Variants in MAP2K6 observed in about 807,000 individuals in gnomAD.
MAP2K6 encodes mitogen-activated protein kinase kinase 6, also known as dual specificity mitogen-activated protein kinase kinase 6.
In MAP2K6, 16 loss-of-function variants were observed where a neutral mutation model predicts 53.7. The ratio of observed to expected loss-of-function variants is 0.30; its 90% CI spans 0.20 to 0.45. MAP2K6 has a LOEUF of 0.45. MAP2K6 is among the 20% of genes least tolerant of loss of function. The pLI is 1.00. For synonymous variants in MAP2K6, 132 were observed against 143.1 expected (o/e 0.92, Z 0.55); for missense variants, 204 against 411.9 (o/e 0.50, Z 4.37).
At position 69,549,001 on chromosome 17, in the gene MAP2K6, T is replaced by A. The variant is rs1417428749; in HGVS notation, c.*7248T>A. On this transcript the variant is annotated 3_prime_UTR_variant, in exon 12 of 12. Transcript: ENST00000590474. ...GTAGGGAATTTTTGTTGGTAAGAAA[T>A]CAGTATCATCTTGTAACACAAACAC... The A allele has an allele frequency of 1.3e-5, 2 of 152,166 alleles. No homozygotes were observed. The highest frequency in any genetic ancestry group is 6.5e-5 in the Admixed American group (1 of 15,284). 9.4% of individuals were successfully genotyped at this position (152,166 alleles called of 1,614,324 possible).
chr17:69,481,476 A>G (rs1201717465), intron 1 of MAP2K6, among the ~76,000 whole-genome samples: 3 of 152,196 alleles, frequency 2.0e-5, no homozygotes, highest in Non-Finnish European at 2.9e-5. Flanking sequence ...GGGTGTACAG[A>G]TATCTCCTTG....
chr17:69,444,372 T>C (rs1299209034), intron 1 of MAP2K6, among the ~76,000 whole-genome samples: 1 of 152,126 alleles, frequency 6.6e-6, no homozygotes, highest in Non-Finnish European at 1.5e-5. Context: ...AGTTTTTTGT[T>C]AAAAGAAACG....
chr17:69,458,305 G>A lies in MAP2K6; in HGVS notation c.16+43305G>A, dbSNP rs550350044. Reference sequence around the variant, plus strand: ...TGTCCTCAAGTGATCTGCCTGTCTCGGCCTCCCAAAGTGCTGGGATTCCAG... The same window carrying A: ...TGTCCTCAAGTGATCTGCCTGTCTCAGCCTCCCAAAGTGCTGGGATTCCAG... On this transcript the variant is annotated intron_variant, in intron 1 of 11. Coordinates refer to ENST00000590474, the MANE Select transcript of MAP2K6 (RefSeq NM_002758.4). Among the ~76,000 whole-genome samples, 9 of 152,198 alleles carry A rather than the reference G, an allele frequency of 5.9e-5. No individual in the cohort carries two copies. In the South Asian group the frequency reaches 1.9e-3, roughly 32 times the overall value.
chr17:69,524,018 G>A (rs61758058), intron 8 of MAP2K6, among the ~76,000 whole-genome samples: 484 of 152,186 alleles, frequency 3.2e-3, no homozygotes, highest in Non-Finnish European at 5.3e-3. Flanking sequence ...CACGGTGAAA[G>A]GGGCGAGGGA....
At chr17:69,511,649 C>T (rs1407761292) in intron 2 of MAP2K6, among the ~76,000 whole-genome samples, 2 of 152,174 alleles carry the variant, frequency 1.3e-5, no homozygotes, top group African/African-American at 2.4e-5. Context: ...ACAAACAGAA[C>T]GATGCAACGG....
At chr17:69,452,247 T>TA (rs1907256032) in intron 1 of MAP2K6, among the ~76,000 whole-genome samples, 1 of 151,440 alleles carries the variant, frequency 6.6e-6, no homozygotes, top group Admixed American at 6.6e-5. Context: ...GAGTATTTGA[T>TA]ACTGCCCAGG....
intron 1 of MAP2K6, among the ~76,000 whole-genome samples, chr17:69,464,444 C>T (rs1184163225): frequency 6.6e-6 from 1 of 152,154 alleles, no homozygotes; most frequent in East Asian, 1.9e-4. Context: ...TGCAGAGGCA[C>T]GATTTCAGCT....
At chr17:69,436,019 TAA>T (rs10610258) in intron 1 of MAP2K6, among the ~76,000 whole-genome samples, 91,076 of 144,774 alleles carry the variant, frequency 0.63, 28,343 homozygotes, top group African/African-American at 0.76. Context: ...CGATTTAAAA[TAA>T]AAAAAAAAAA....
At position 69,541,736 on chromosome 17, in the gene MAP2K6, C is replaced by G. The variant is rs1406308257; in HGVS notation, c.988C>G (p.Leu330Val). ...KGTDVASFVK[L>V]ILGD is the part of the protein sequence containing the mutation. ...AACAGATGTGGCATCTTTTGTAAAA[C>G]TGATTCTTGGAGACTAAAAAGCAGT... Residue 330 changes from leucine to valine, a missense_variant, in exon 12 of 12, where the codon CTG becomes GTG. Physicochemically the swap from Leu to Val is conservative, Grantham distance 32. Around this residue, in one of 3 missense-constraint regions of MAP2K6, gnomAD observed 47 missense variants for 62.3 expected, o/e 0.75. Coordinates refer to ENST00000590474, the MANE Select transcript of MAP2K6 (RefSeq NM_002758.4). The G allele has an allele frequency of 6.2e-7, 1 of 1,612,278 alleles. No individual in the cohort carries two copies. Among genetic ancestry groups the G allele is most frequent in the African/African-American group, 1.3e-5 (1 of 74,886 alleles).
intron 1 of MAP2K6, among the ~76,000 whole-genome samples, chr17:69,495,393 G>A (rs1002242560): frequency 1.3e-5 from 2 of 151,734 alleles, no homozygotes; most frequent in Non-Finnish European, 2.9e-5. Flanking sequence ...CCACCAACAC[G>A]CCCAGCTAAT....
chr17:69,549,645 A>C lies in MAP2K6; in HGVS notation c.*7892A>C, dbSNP rs1283886438. On this transcript the variant is annotated 3_prime_UTR_variant, in exon 12 of 12. Coordinates refer to ENST00000590474, the MANE Select transcript of MAP2K6 (RefSeq NM_002758.4). ...AGGGCTATCTAAGAAAAGTTTAAGCAAAACCCTCATTCCAAACATGCGACC... is the reference window on the plus strand; with the variant it reads ...AGGGCTATCTAAGAAAAGTTTAAGCCAAACCCTCATTCCAAACATGCGACC... 1 of 152,224 alleles carries C rather than the reference A, an allele frequency of 6.6e-6. No individual in the cohort carries two copies. The highest frequency in any genetic ancestry group is 6.5e-5 in the Admixed American group (1 of 15,272). The allele number at this position is 152,224 out of a possible 1,614,324, so 9.4% of individuals were successfully genotyped here. A position where few individuals can be genotyped will look rare whatever the true frequency, so the allele number is the denominator to read the frequency against.
At chr17:69,454,925 A>G (rs1327363654) in intron 1 of MAP2K6, among the ~76,000 whole-genome samples, 1 of 152,222 alleles carries the variant, frequency 6.6e-6, no homozygotes, top group Non-Finnish European at 1.5e-5. Flanking sequence ...TTACAAATAG[A>G]AGGTCTAATC....
chr17:69,489,027 C>A (rs1280729627), intron 1 of MAP2K6, among the ~76,000 whole-genome samples: 2 of 151,888 alleles, frequency 1.3e-5, no homozygotes, highest in African/African-American at 4.8e-5. Context: ...TCGAGACCAG[C>A]CTGACCAATA....
At chr17:69,449,529 T>TTTTCTTTCTTTCTTTCTTTC (rs1368624796) in intron 1 of MAP2K6, among the ~76,000 whole-genome samples, 4 of 101,378 alleles carry the variant, frequency 3.9e-5, no homozygotes, top group Admixed American at 3.9e-4. Flanking sequence ...CTTTCTTTCT[T>TTTTCTTTCTTTCTTTCTTTC]TGTCTTTCTT....
intron 1 of MAP2K6, among the ~76,000 whole-genome samples, chr17:69,461,972 G>A (rs1408600934): frequency 5.9e-5 from 9 of 152,210 alleles, no homozygotes; most frequent in Non-Finnish European, 1.2e-4. Context: ...GGTTTAGTCA[G>A]AATTTATGTG....
At chr17:69,415,624 C>T (rs1905873861) in intron 1 of MAP2K6, among the ~76,000 whole-genome samples, 1 of 152,108 alleles carries the variant, frequency 6.6e-6, no homozygotes, top group Non-Finnish European at 1.5e-5. Context: ...CACTTTACAC[C>T]AATTGCTTAT....
chr17:69,545,102 A>G lies in MAP2K6; in HGVS notation c.*3349A>G, dbSNP rs1911825397. ...TTTAGCATCATTGACTCTTTGTAAAACGCCATGTCATGGGCTCTGAAGATA... is the reference window on the plus strand; with the variant it reads ...TTTAGCATCATTGACTCTTTGTAAAGCGCCATGTCATGGGCTCTGAAGATA... On this transcript the variant is annotated 3_prime_UTR_variant, in exon 12 of 12. Transcript: ENST00000590474. 1 of 152,138 alleles carries G rather than the reference A, an allele frequency of 6.6e-6. No homozygotes were observed. The highest frequency in any genetic ancestry group is 1.9e-4 in the East Asian group (1 of 5,190). The allele number at this position is 152,138 out of a possible 1,614,324, so 9.4% of individuals were successfully genotyped here.
chr17:69,467,543 T>C (rs559105501), intron 1 of MAP2K6, among the ~76,000 whole-genome samples: 35 of 152,314 alleles, frequency 2.3e-4, no homozygotes, highest in South Asian at 6.2e-4. Flanking sequence ...AGAGGACAGC[T>C]CTGGACTGAG....
chr17:69,484,929 T>A lies in MAP2K6; in HGVS notation c.17-20851T>A, dbSNP rs1428120267. Among the ~76,000 whole-genome samples the A allele has an allele frequency of 2.6e-5, 4 of 152,042 alleles. No individual in the cohort carries two copies. The East Asian group carries it at 7.7e-4, about 29-fold the overall frequency. ...TGCCAGGGGCTAGAGGGAAGGGTAG[T>A]GTTGAAGGAAAAGAGGGAGTGACTG... On this transcript the variant is annotated intron_variant, in intron 1 of 11. Transcript: ENST00000590474.
Sources: gnomAD v4.1 joint callset for allele counts (sites outside exome capture counted in the v4.1 genomes callset) on GRCh38, gnomAD v4.1.1 for gene constraint, gnomAD v4.1.1 regional missense constraint, MANE v1.5 for transcripts, NCBI Gene and HGNC (gene_info 2026-07-23, HGNC 2026-07-21) for gene names.